Variants in ASAP2 observed in about 807,000 individuals in gnomAD.
ASAP2 encodes the protein arf-GAP with SH3 domain, ANK repeat and PH domain-containing protein 2.
A neutral mutation model predicts 131.4 loss-of-function variants in ASAP2; 45 were observed. The ratio of observed to expected loss-of-function variants is 0.34; its 90% confidence interval spans 0.27 to 0.44. The LOEUF is 0.44. Among genes scored for constraint, ASAP2 ranks in the 20% least tolerant of loss-of-function variants. The probability of loss-of-function intolerance (pLI) is 1.00; values close to 1 mark genes in which losing one functional copy is unlikely to be tolerated. For synonymous variants in ASAP2, 510 were observed against 503.0 expected, an observed-to-expected ratio of 1.01 and a Z score of -0.19; for missense variants, 1,011 against 1,297.0, an observed-to-expected ratio of 0.78 and a Z score of 3.39.
At chr2:9,335,019 A>G in intron 8 of ASAP2, 74 bp from the exon 9 acceptor site, 2 of 1,490,756 alleles carry the variant, frequency 1.3e-6, no homozygotes, top group Non-Finnish European at 1.9e-6. Context: ...AAATGGCCCC[A>G]TGAGCACCAA....
chr2:9,401,985 G>T (rs1676726969), intron 27 of ASAP2, among the ~76,000 whole-genome samples: 1 of 152,214 alleles, frequency 6.6e-6, no homozygotes, highest in African/African-American at 2.4e-5. Context: ...CTAAGCGGCA[G>T]CTGCAGACAG....
chr2:9,321,538 G>A (rs1373866547), intron 5 of ASAP2, among the ~76,000 whole-genome samples: 1 of 152,134 alleles, frequency 6.6e-6, no homozygotes, highest in Non-Finnish European at 1.5e-5. Context: ...CTTTGCAGAG[G>A]GAAAACCAAG....
At chr2:9,338,056 G>A (rs1426757062) in intron 9 of ASAP2, among the ~76,000 whole-genome samples, 2 of 152,172 alleles carry the variant, frequency 1.3e-5, no homozygotes, top group Non-Finnish European at 2.9e-5. Context: ...CTCGCCTCCT[G>A]CCTTCCCCAT....
chr2:9,219,218 AT>A (rs1316561115), intron 1 of ASAP2, among the ~76,000 whole-genome samples: 1 of 152,132 alleles, frequency 6.6e-6, no homozygotes, highest in Non-Finnish European at 1.5e-5. Flanking sequence ...AGCTTCCTAG[AT>A]TTTGTGGGGA....
intron 1 of ASAP2, among the ~76,000 whole-genome samples, chr2:9,267,078 T>A: frequency 6.6e-6 from 1 of 152,226 alleles, no homozygotes; most frequent in South Asian, 2.1e-4. Context: ...TTACTTGTAT[T>A]CTTAATAATA....
intron 9 of ASAP2, chr2:9,335,904 A>C (rs1671173131): frequency 6.6e-6 from 1 of 152,208 alleles, no homozygotes. Flanking sequence ...ATTTTAGAGA[A>C]ATTGCTAAAC....
At chr2:9,402,044 C>T (rs796240649) in intron 27 of ASAP2, among the ~76,000 whole-genome samples, 1 of 152,216 alleles carries the variant, frequency 6.6e-6, no homozygotes, top group African/African-American at 2.4e-5. Context: ...CAGAAAGCCC[C>T]AGGCTGAGCC....
At chr2:9,356,755 G>T (rs1307707253) in intron 14 of ASAP2, among the ~76,000 whole-genome samples, 2 of 152,146 alleles carry the variant, frequency 1.3e-5, no homozygotes, top group African/African-American at 4.8e-5. Flanking sequence ...GCTTTAAGCC[G>T]CTGTCTGGCT....
chr2:9,219,482 C>T (rs1432006182), intron 1 of ASAP2, among the ~76,000 whole-genome samples: 1 of 152,110 alleles, frequency 6.6e-6, no homozygotes, highest in African/African-American at 2.4e-5. Flanking sequence ...TTCCATAGTT[C>T]TTTGTATTCA....
intron 14 of ASAP2, among the ~76,000 whole-genome samples, chr2:9,358,124 C>T (rs1345092427): frequency 2.6e-5 from 4 of 152,156 alleles, no homozygotes; most frequent in South Asian, 2.1e-4. Flanking sequence ...CGACCTCGAG[C>T]CTGAGCATCG....
At chr2:9,368,866 G>A (rs963375554) in intron 16 of ASAP2, among the ~76,000 whole-genome samples, 3 of 150,896 alleles carry the variant, frequency 2.0e-5, no homozygotes, top group Non-Finnish European at 4.4e-5. Flanking sequence ...GCATAATCCT[G>A]AGCCACCGAG....
intron 18 of ASAP2, among the ~76,000 whole-genome samples, chr2:9,378,088 C>T (rs1478890533): frequency 2.6e-5 from 4 of 152,152 alleles, no homozygotes; most frequent in Admixed American, 6.5e-5. Flanking sequence ...GAAACACACC[C>T]CCCGCTCCCC....
At chr2:9,211,928 G>A (rs934355565) in intron 1 of ASAP2, among the ~76,000 whole-genome samples, 9 of 152,342 alleles carry the variant, frequency 5.9e-5, no homozygotes, top group East Asian at 1.9e-4. Context: ...AGTGAGCCTT[G>A]ATGGGTCAAA....
intron 3 of ASAP2, among the ~76,000 whole-genome samples, chr2:9,306,635 T>C (rs961091936): frequency 1.3e-5 from 2 of 151,996 alleles, no homozygotes; most frequent in South Asian, 4.2e-4. Context: ...CTGTGCCCCT[T>C]TGTCCTCGGG....
At chr2:9,324,509 G>C (rs1670357277) in intron 6 of ASAP2, among the ~76,000 whole-genome samples, 1 of 152,194 alleles carries the variant, frequency 6.6e-6, no homozygotes, top group African/African-American at 2.4e-5. Flanking sequence ...CTTCTTGCTG[G>C]TGGGCGCTCT....
intron 2 of ASAP2, among the ~76,000 whole-genome samples, chr2:9,295,195 A>G (rs563124815): frequency 6.6e-5 from 10 of 152,310 alleles, no homozygotes; most frequent in African/African-American, 2.4e-4. Flanking sequence ...AACGATGAAA[A>G]CAAACATCGT....
intron 1 of ASAP2, among the ~76,000 whole-genome samples, chr2:9,264,450 C>T (rs973906477): frequency 6.6e-6 from 1 of 152,120 alleles, no homozygotes; most frequent in African/African-American, 2.4e-5. Flanking sequence ...ATTATGAGTC[C>T]CCAGCTCTGA....
intron 1 of ASAP2, among the ~76,000 whole-genome samples, chr2:9,246,794 C>T (rs1401180166): frequency 6.6e-6 from 1 of 152,170 alleles, no homozygotes; most frequent in Non-Finnish European, 1.5e-5. Flanking sequence ...TGGGATACTC[C>T]TGGCTTCTAC....
rs1666075113 is a variant in ASAP2 at position 9,268,199 on chromosome 2, C to T, written c.127-11118C>T. On this transcript the variant is annotated intron_variant, in intron 1 of 27. Coordinates refer to ENST00000281419, the MANE Select transcript of ASAP2 (RefSeq NM_003887.3). The surrounding 1 kb of genome is among the most constrained non-coding windows in gnomAD (Gnocchi z 4.1). ...TTCTCTTCCGTTGCTGTGTAGCATT[C>T]TGTTGTACGAATGTCCATCATCAGT... 6.6e-6 allele frequency among the ~76,000 whole-genome samples: 1 copy of T among 152,200 alleles called. No homozygotes were observed. Among genetic ancestry groups the T allele is most frequent in the African/African-American group, 2.4e-5 (1 of 41,444 alleles).
Sources: gnomAD v4.1 joint callset for allele counts (sites outside exome capture counted in the v4.1 genomes callset) on GRCh38, gnomAD v4.1.1 for gene constraint, Gnocchi (gnomAD v3.1) non-coding constraint, MANE v1.5 for transcripts, NCBI Gene and HGNC (gene_info 2026-07-23, HGNC 2026-07-21) for gene names.